ACSS3: variants seen among roughly 807,000 people sequenced by gnomAD.
ACSS3 encodes acyl-CoA synthetase short-chain family member 3, mitochondrial.
A neutral mutation model predicts 84.2 loss-of-function variants in ACSS3; 64 were observed. The ratio of observed to expected loss-of-function variants is 0.76; its 90% CI spans 0.62 to 0.94. ACSS3 has a LOEUF of 0.94. ACSS3 is among the 40% of genes least tolerant of loss of function. The pLI, the probability that ACSS3 is intolerant of heterozygous loss-of-function variation, is 0.00. For synonymous variants in ACSS3, 317 were observed against 310.1 expected (o/e 1.02, Z -0.23); for missense variants, 815 against 867.6 (o/e 0.94, Z 0.76).
intron 1 of ACSS3, among the ~76,000 whole-genome samples, chr12:81,092,901 A>T (rs958024803): frequency 6.6e-6 from 1 of 152,158 alleles, no homozygotes; most frequent in African/African-American, 2.4e-5. Flanking sequence ...AAAAAAGGAT[A>T]AAAGTTTTAT....
At chr12:81,146,462 ATGT>A (rs1201144484) in intron 5 of ACSS3, among the ~76,000 whole-genome samples, 2 of 152,194 alleles carry the variant, frequency 1.3e-5, no homozygotes, top group South Asian at 2.1e-4. Context: ...AGGAAAAATA[ATGT>A]TGTGAGCTCA....
rs2032701900 is a variant in ACSS3 at position 81,213,605 on chromosome 12, CCCTCCCCTCCCCTCCTCCCCTCTCCTCA to C, written c.1355-3290_1355-3263del. 3.0e-4 allele frequency among the ~76,000 whole-genome samples: 6 copies of C among 19,862 alleles called. 1 individual carries two copies. Among genetic ancestry groups the C allele is most frequent in the South Asian group, 4.2e-3 (1 of 238 alleles). The allele number at this position is 19,862 out of a possible 152,430, so 13.0% of individuals were successfully genotyped here. A position where few individuals can be genotyped will look rare whatever the true frequency, so the allele number is the denominator to read the frequency against. Reference sequence around the variant, plus strand: ...TCCTCCCCTCCCCTCCCCTCCCCTCCCCTCCCCTCCCCTCCTCCCCTCTCCTCACCTCCTCCCCTCCCCTCACCTCCTC... The same window carrying C: ...TCCTCCCCTCCCCTCCCCTCCCCTCCCCTCCTCCCCTCCCCTCACCTCCTC... On this transcript the variant is annotated intron_variant, in intron 9 of 15. Transcript: ENST00000548058.
chr12:81,079,779 C>T (rs1880855126), intron 1 of ACSS3, among the ~76,000 whole-genome samples: 1 of 152,154 alleles, frequency 6.6e-6, no homozygotes, highest in Non-Finnish European at 1.5e-5. Context: ...CAGTTACTGA[C>T]TGTGTGTTCA....
At chr12:81,196,596 T>A (rs2031842747) in intron 8 of ACSS3, among the ~76,000 whole-genome samples, 1 of 152,136 alleles carries the variant, frequency 6.6e-6, no homozygotes, top group African/African-American at 2.4e-5. Flanking sequence ...TTTTGCATTG[T>A]TGTAAAGGAA....
Position 81,224,563 on chromosome 12 carries a change from C to T in ACSS3, c.1514+4487C>T, listed in dbSNP as rs7975907. On this transcript the variant is annotated intron_variant, in intron 11 of 15. Transcript: ENST00000548058. The stretch of plus-strand genomic sequence containing the variant: ...ATATACATACATACATATATATATA[C>T]ACACACACACATGTGTGTGTGTGTG... 5.8e-3 allele frequency among the ~76,000 whole-genome samples: 451 copies of T among 77,240 alleles called. 3 individuals are homozygous for T. The highest frequency in any genetic ancestry group is 1.0e-2 in the Non-Finnish European group (307 of 30,802). The allele number at this position is 77,240 out of a possible 152,430, so 50.7% of individuals were successfully genotyped here.
intron 13 of ACSS3, among the ~76,000 whole-genome samples, chr12:81,250,834 C>T (rs1373400754): frequency 1.3e-5 from 2 of 152,172 alleles, no homozygotes; most frequent in Admixed American, 6.5e-5. Context: ...TTCATAGCAT[C>T]TAACTTTCCA....
chr12:81,138,612 AATAAT>A (rs1268290752), intron 3 of ACSS3, among the ~76,000 whole-genome samples: 1 of 152,250 alleles, frequency 6.6e-6, no homozygotes, highest in East Asian at 1.9e-4. Context: ...TTTTTAAGAA[AATAAT>A]ATAATGTAAT....
At chr12:81,250,993 T>C (rs1157385278) in intron 13 of ACSS3, among the ~76,000 whole-genome samples, 3 of 152,198 alleles carry the variant, frequency 2.0e-5, no homozygotes, top group Non-Finnish European at 4.4e-5. Context: ...CTTAACCTAC[T>C]GTAGTATCCT....
intron 7 of ACSS3, among the ~76,000 whole-genome samples, chr12:81,172,490 C>T (rs1436834989): frequency 6.6e-6 from 1 of 151,254 alleles, no homozygotes; most frequent in Non-Finnish European, 1.5e-5. Context: ...GGGCATGCAC[C>T]TGTGTCTTTC....
chr12:81,249,643 A>G (rs2034090206), intron 13 of ACSS3, among the ~76,000 whole-genome samples: 1 of 152,068 alleles, frequency 6.6e-6, no homozygotes, highest in Non-Finnish European at 1.5e-5. Flanking sequence ...TTAAATGACT[A>G]TTGGATTTAA....
intron 1 of ACSS3, among the ~76,000 whole-genome samples, chr12:81,108,077 G>T (rs1230620245): frequency 6.6e-6 from 1 of 151,952 alleles, no homozygotes; most frequent in Non-Finnish European, 1.5e-5. Flanking sequence ...GTAGGATGCT[G>T]GGAAGAGGTA....
At chr12:81,101,344 G>A (rs1882496520) in intron 1 of ACSS3, among the ~76,000 whole-genome samples, 1 of 151,994 alleles carries the variant, frequency 6.6e-6, no homozygotes, top group South Asian at 2.1e-4. Flanking sequence ...CACCCATTCA[G>A]TATGTAAATA....
At chr12:81,158,381 C>T (rs2135774947) in intron 7 of ACSS3, 1 of 153,614 alleles carries the variant, frequency 6.5e-6, no homozygotes, top group African/African-American at 2.4e-5. Context: ...CACTCAACAG[C>T]TTCAACAGCA....
intron 1 of ACSS3, among the ~76,000 whole-genome samples, chr12:81,101,666 C>T (rs1324601249): frequency 2.0e-5 from 3 of 151,946 alleles, no homozygotes; most frequent in Non-Finnish European, 2.9e-5. Context: ...ATTTTGAGCC[C>T]TCCTAAGTTG....
intron 1 of ACSS3, among the ~76,000 whole-genome samples, chr12:81,086,924 TTATC>T (rs1326683913): frequency 2.0e-5 from 3 of 152,164 alleles, no homozygotes; most frequent in Non-Finnish European, 4.4e-5. Context: ...CTCAAATCCT[TTATC>T]TAAACTACGT....
At chr12:81,079,806 T>A (rs1880856048) in intron 1 of ACSS3, among the ~76,000 whole-genome samples, 1 of 152,226 alleles carries the variant, frequency 6.6e-6, no homozygotes, top group African/African-American at 2.4e-5. Flanking sequence ...AGTGACTTAA[T>A]CTCTCTGTGT....
At chr12:81,192,466 G>T (rs889004436) in intron 8 of ACSS3, among the ~76,000 whole-genome samples, 1 of 152,162 alleles carries the variant, frequency 6.6e-6, no homozygotes, top group Non-Finnish European at 1.5e-5. Flanking sequence ...TATCCCCACA[G>T]AGTGGTTCTT....
At position 81,253,396 on chromosome 12, in the gene ACSS3, A is replaced by G. The variant is rs778735071; in HGVS notation, c.1809A>G (p.Val603=). 1 of 1,613,792 alleles carries G rather than the reference A, an allele frequency of 6.2e-7. No individual in the cohort carries two copies. The highest frequency in any genetic ancestry group is 8.5e-7 in the Non-Finnish European group (1 of 1,179,864). The change falls in exon 14 of 16, where the codon GTA becomes GTG. Residue 603 remains valine (V), a synonymous_variant. Coordinates refer to ENST00000548058, the MANE Select transcript of ACSS3 (RefSeq NM_024560.4). ...LKGHVPLALC[V]LRKDINATEE... ...GTCATGTCCCCTTAGCACTCTGTGTATTGAGAAAAGGTGAGAGATCTTTTT... is the reference window on the plus strand; with the variant it reads ...GTCATGTCCCCTTAGCACTCTGTGTGTTGAGAAAAGGTGAGAGATCTTTTT...
At chr12:81,198,851 C>T (rs2135894675) in intron 8 of ACSS3, among the ~76,000 whole-genome samples, 1 of 152,168 alleles carries the variant, frequency 6.6e-6, no homozygotes, top group East Asian at 1.9e-4. Context: ...AATATATACT[C>T]AAAATTAGAG....
Sources: gnomAD v4.1 joint callset for allele counts (sites outside exome capture counted in the v4.1 genomes callset) on GRCh38, gnomAD v4.1.1 for gene constraint, MANE v1.5 for transcripts, NCBI Gene and HGNC (gene_info 2026-07-23, HGNC 2026-07-21) for gene names.